Variants in DMBT1 observed in about 807,000 individuals in gnomAD.
DMBT1 encodes the protein scavenger receptor cysteine-rich domain-containing protein DMBT1.
DMBT1 carries 198 observed loss-of-function variants against 252.9 expected under a neutral mutation model. The ratio of observed to expected loss-of-function variants is 0.78; its 90% CI spans 0.70 to 0.88. The LOEUF (loss-of-function observed/expected upper bound fraction) is 0.88. Ranked by LOEUF, DMBT1 falls within the 40% of genes least tolerant of loss-of-function variation. DMBT1 has a pLI of 0.00. For missense variants in DMBT1, 2,432 were observed against 2,404.7 expected (o/e 1.01, Z -0.24); for synonymous variants, 990 against 942.7 (o/e 1.05, Z -0.92).
chr10:122,578,698 C>T lies in DMBT1; in HGVS notation c.638-20C>T, dbSNP rs201767228. The T allele has an allele frequency of 6.2e-7, 1 of 1,600,278 alleles. No homozygotes were observed. The highest frequency in any genetic ancestry group is 1.7e-5 in the Admixed American group (1 of 58,634). On this transcript the variant is annotated intron_variant, in intron 8 of 55. Coordinates refer to ENST00000338354, the MANE Select transcript of DMBT1 (RefSeq NM_001377530.1). Reference sequence around the variant, plus strand: ...CCCTTCAAGTCCAATTGTATCCTTTCTCTTTGTTGCTGTTTACAGAAAGTT... The same window carrying T: ...CCCTTCAAGTCCAATTGTATCCTTTTTCTTTGTTGCTGTTTACAGAAAGTT...
rs2097774781 is a variant in DMBT1, at chr10:122,584,668, T to A, written c.1420+317T>A. ...TTTTCTATTCAGAGCTGATATGACCTTCCTGAGAATTGAGAGTGATTGCCA... is the reference window on the plus strand; with the variant it reads ...TTTTCTATTCAGAGCTGATATGACCATCCTGAGAATTGAGAGTGATTGCCA... On this transcript the variant is annotated intron_variant, in intron 14 of 55. Coordinates refer to ENST00000338354, the MANE Select transcript of DMBT1 (RefSeq NM_001377530.1). 1.3e-5 allele frequency among the ~76,000 whole-genome samples: 2 copies of A among 149,086 alleles called. 1 individual carries two copies. The highest frequency in any genetic ancestry group is 3.0e-5 in the Non-Finnish European group (2 of 66,896).
Position 122,571,662 on chromosome 10 carries a change from C to T in DMBT1, c.188-652C>T, listed in dbSNP as rs573183191. Reference sequence around the variant, plus strand: ...GAGATTTCTTTAATTCATGAAGAAACCTGCAAGGACACTGTCCCATGGTGT... The same window carrying T: ...GAGATTTCTTTAATTCATGAAGAAATCTGCAAGGACACTGTCCCATGGTGT... On this transcript the variant is annotated intron_variant, in intron 4 of 55. Coordinates refer to ENST00000338354, the MANE Select transcript of DMBT1 (RefSeq NM_001377530.1). Among the ~76,000 whole-genome samples, 11 of 152,258 alleles carry T rather than the reference C, an allele frequency of 7.2e-5. No homozygotes were observed. In the East Asian group the frequency reaches 2.1e-3, roughly 29 times the overall value.
chr10:122,577,786 T>C lies in DMBT1; in HGVS notation c.608-25T>C, dbSNP rs779730149. The C allele has an allele frequency of 2.1e-5, 34 of 1,613,450 alleles. No individual in the cohort carries two copies. The African/African-American group carries it at 4.1e-4, about 20-fold the overall frequency. On this transcript the variant is annotated intron_variant, in intron 7 of 55. Transcript: ENST00000338354. ...TTGGAGTCACTGAGTGTTTGGTGTCTAATGTTGCTATTTTTTTCTCACAGC... is the reference window on the plus strand; with the variant it reads ...TTGGAGTCACTGAGTGTTTGGTGTCCAATGTTGCTATTTTTTTCTCACAGC...
rs946566547 is a variant in DMBT1, at chr10:122,600,012, G to C, written c.3281-52G>C. On this transcript the variant is annotated intron_variant, in intron 26 of 55. Transcript: ENST00000338354. ...TTTCTTTCCCTCCTCGTTCCACTTT[G>C]CCGACTTCTGTGTAATGTTCCTGAT... The C allele has an allele frequency of 1.4e-5, 23 of 1,598,114 alleles. No homozygotes were observed. In the African/African-American group the frequency reaches 2.5e-4, roughly 17 times the overall value.
intron 52 of DMBT1, 42 bp from the exon 53 acceptor site, chr10:122,635,949 C>G: frequency 1.2e-6 from 2 of 1,607,466 alleles, no homozygotes; most frequent in Non-Finnish European, 1.7e-6. Context: ...GCGTCAAATT[C>G]TGGGAGGAAA....
intron 40 of DMBT1, 56 bp downstream of exon 40, chr10:122,617,316 T>A: frequency 6.4e-7 from 1 of 1,572,360 alleles, no homozygotes; most frequent in Non-Finnish European, 8.7e-7. Context: ...ATATTTTGTG[T>A]TTGAAACTGA....
rs759522525 is a variant in DMBT1 at position 122,640,160 on chromosome 10, G to T, written c.7063G>T (p.Val2355Phe). 58 of 1,613,926 alleles carry T rather than the reference G, an allele frequency of 3.6e-5. No individual in the cohort carries two copies. The South Asian group carries it at 6.3e-4, about 17-fold the overall frequency. The change falls in exon 55 of 56, where the codon GTC becomes TTC. Residue 2355 changes from valine to phenylalanine, a missense_variant. Around this residue, in one of 3 missense-constraint regions of DMBT1, gnomAD observed 1,162 missense variants for 1,169.0 expected, o/e 0.99. Transcript: ENST00000338354. Reference sequence around the variant, plus strand: ...CTGCAGAATGCTTCAGAACACCTGGGTCGACACCATGTACATTGCTAATGA... The same window carrying T: ...CTGCAGAATGCTTCAGAACACCTGGTTCGACACCATGTACATTGCTAATGA... ...VSCRMLQNTW[V>F]DTMYIANDTI... is the part of the protein sequence containing the mutation.
At chr10:122,569,889 G>T (rs2097645532) in intron 2 of DMBT1, among the ~76,000 whole-genome samples, 1 of 152,328 alleles carries the variant, frequency 6.6e-6, no homozygotes, top group African/African-American at 2.4e-5. Flanking sequence ...CTAGGATGGG[G>T]CTATGAGTGG....
At position 122,588,100 on chromosome 10, in the gene DMBT1, G is replaced by A. The variant is rs569323950; in HGVS notation, c.1784-844G>A. ...CTTTTCACCCTCAAGTTTAATTCTA[G>A]CCTTTGTCTTTGTTGCAATTAAAGA... On this transcript the variant is annotated intron_variant, in intron 16 of 55. Coordinates refer to ENST00000338354, the MANE Select transcript of DMBT1 (RefSeq NM_001377530.1). 7.1e-4 allele frequency among the ~76,000 whole-genome samples: 106 copies of A among 148,584 alleles called. 13 individuals carry two copies. Among genetic ancestry groups the A allele is most frequent in the South Asian group, 2.5e-3 (11 of 4,424 alleles).
At chr10:122,562,695 T>C (rs1300786637) in intron 1 of DMBT1, among the ~76,000 whole-genome samples, 1 of 152,234 alleles carries the variant, frequency 6.6e-6, no homozygotes, top group Non-Finnish European at 1.5e-5. Flanking sequence ...AGGACATTTG[T>C]AGTTTGCCCA....
At chr10:122,589,832 A>T (rs1400376161) in intron 17 of DMBT1, among the ~76,000 whole-genome samples, 5 of 148,512 alleles carry the variant, frequency 3.4e-5, no homozygotes, top group Non-Finnish European at 7.5e-5. Context: ...CTGATCAGGG[A>T]GGGCACTAAG....
At chr10:122,642,810 G>A (rs1844801520) in intron 55 of DMBT1, among the ~76,000 whole-genome samples, 1 of 152,198 alleles carries the variant, frequency 6.6e-6, no homozygotes, top group Non-Finnish European at 1.5e-5. Context: ...TGGTTTACCT[G>A]GGTGCATGGA....
At chr10:122,633,549 G>A (rs1018733611) in intron 52 of DMBT1, among the ~76,000 whole-genome samples, 2 of 152,170 alleles carry the variant, frequency 1.3e-5, no homozygotes, top group African/African-American at 4.8e-5. Context: ...GTTGGGGAGG[G>A]GGCACGAGAG....
At chr10:122,575,741 C>G (rs2097706599) in intron 6 of DMBT1, among the ~76,000 whole-genome samples, 1 of 152,220 alleles carries the variant, frequency 6.6e-6, no homozygotes, top group Admixed American at 6.5e-5. Flanking sequence ...CAGTGACCTT[C>G]TGGATCCCAG....
chr10:122,589,150 A>G lies in DMBT1; in HGVS notation c.1990A>G (p.Ile664Val). 2 of 1,588,324 alleles carry G rather than the reference A, an allele frequency of 1.3e-6. No individual in the cohort carries two copies. Among genetic ancestry groups the G allele is most frequent in the African/African-American group, 1.3e-5 (1 of 74,620 alleles). Residue 664 changes from isoleucine (I) to valine (V), a missense_variant, in exon 17 of 56, where the codon ATT becomes GTT. Physicochemically the swap from Ile to Val is conservative, Grantham distance 29. Transcript: ENST00000338354. ...NARFGQGSGP[I>V]VLDDVRCSGH... ...CCGGTTTGGTCAGGGCTCAGGACCC[A>G]TTGTCCTGGATGATGTGCGCTGCTC...
intron 39 of DMBT1, among the ~76,000 whole-genome samples, chr10:122,617,015 A>C (rs1474167502): frequency 7.2e-6 from 1 of 138,730 alleles, no homozygotes; most frequent in Non-Finnish European, 1.5e-5. Context: ...CCCCAGGATT[A>C]GAGAAATGGA....
chr10:122,570,036 T>C (rs1193529708), intron 2 of DMBT1, 126 bp from the exon 3 acceptor site: 13 of 897,432 alleles, frequency 1.4e-5, no homozygotes, highest in Non-Finnish European at 2.5e-5. Context: ...CATAGTTGGC[T>C]TTTAGCAATG....
chr10:122,567,774 G>T (rs1936283354), intron 2 of DMBT1, among the ~76,000 whole-genome samples: 1 of 152,116 alleles, frequency 6.6e-6, no homozygotes, highest in African/African-American at 2.4e-5. Flanking sequence ...TGGGAAGCAG[G>T]CTCAATTAGC....
chr10:122,589,410 G>T, intron 17 of DMBT1, 143 bp downstream of exon 17: 1 of 1,373,328 alleles, frequency 7.3e-7, no homozygotes, highest in Non-Finnish European at 9.8e-7. Context: ...CTAGGAAACT[G>T]CATGAGTCTT....
Sources: gnomAD v4.1 joint callset for allele counts (sites outside exome capture counted in the v4.1 genomes callset) on GRCh38, gnomAD v4.1.1 for gene constraint, gnomAD v4.1.1 regional missense constraint, MANE v1.5 for transcripts, NCBI Gene and HGNC (gene_info 2026-07-23, HGNC 2026-07-21) for gene names.